WNT9A: variants seen among roughly 807,000 people sequenced by gnomAD.
WNT9A encodes protein Wnt-9a.
WNT9A carries 8 observed loss-of-function variants against 31.4 expected under a neutral mutation model. The ratio of observed to expected loss-of-function variants is 0.26; its 90% confidence interval spans 0.15 to 0.46. WNT9A has a LOEUF of 0.46. Ranked by LOEUF, WNT9A falls within the 20% of genes least tolerant of loss-of-function variation. WNT9A has a pLI of 0.99. For missense variants in WNT9A, 457 were observed against 522.9 expected, an observed-to-expected ratio of 0.87 and a Z score of 1.23; for synonymous variants, 236 against 220.1, an observed-to-expected ratio of 1.07 and a Z score of -0.64.
In WNT9A at chr1:227,947,825, G is replaced by A; in HGVS notation, c.63C>T (p.Leu21=). 1 of 1,095,792 alleles carries A rather than the reference G, an allele frequency of 9.1e-7. No individual in the cohort carries two copies. 67.9% of individuals were successfully genotyped at this position (1,095,792 alleles called of 1,614,324 possible). Residue 21 remains leucine, a synonymous_variant, in exon 1 of 4, where the codon CTC becomes CTT. Coordinates refer to ENST00000272164, the MANE Select transcript of WNT9A (RefSeq NM_003395.4). ...LAAAFGLTLL[L]AALRPSAAYF... ...AGGCGGCCGAAGGGCGCAGCGCGGCGAGCAGCAGCGTCAGCCCGAAGGCCG... is the reference window on the plus strand; with the variant it reads ...AGGCGGCCGAAGGGCGCAGCGCGGCAAGCAGCAGCGTCAGCCCGAAGGCCG...
In WNT9A at chr1:227,928,794, A is replaced by G. The variant is rs1267970636; in HGVS notation, c.96-3275T>C. Among the ~76,000 whole-genome samples the G allele has an allele frequency of 6.6e-6, 1 of 152,208 alleles. No individual in the cohort carries two copies. The highest frequency in any genetic ancestry group is 1.5e-5 in the Non-Finnish European group (1 of 68,032). ...CTGAAGAAGGGAGGAGTGGTTCCCA[A>G]CACAACCTCAGAACAGAGAAGCTTT... On this transcript the variant is annotated intron_variant, in intron 1 of 3. Transcript: ENST00000272164. This position sits in a 1 kb window ranked among gnomAD's most constrained non-coding sequence, Gnocchi z 4.5.
intron 1 of WNT9A, among the ~76,000 whole-genome samples, chr1:227,944,389 T>C (rs1055517636): frequency 9.2e-5 from 14 of 152,150 alleles, no homozygotes; most frequent in African/African-American, 3.4e-4. Flanking sequence ...GACTGCCTAA[T>C]GCGTATGAGG....
rs540876206 is a variant in WNT9A at position 227,941,563 on chromosome 1, T to C, written c.95+6230A>G. On this transcript the variant is annotated intron_variant, in intron 1 of 3. Transcript: ENST00000272164. ...GAGAAGGAGGCATCTGGGCAGTCAC[T>C]GGGCTTCCTGCAAGAAGCAGCAGCT... 31 of 154,388 alleles carry C rather than the reference T, an allele frequency of 2.0e-4. No homozygotes were observed. In the South Asian group the frequency reaches 4.9e-3, roughly 24 times the overall value. 9.6% of individuals were successfully genotyped at this position (154,388 alleles called of 1,614,324 possible).
chr1:227,929,544 G>A (rs1321521240), intron 1 of WNT9A, among the ~76,000 whole-genome samples: 1 of 152,212 alleles, frequency 6.6e-6, no homozygotes, highest in Non-Finnish European at 1.5e-5. Flanking sequence ...GTGTCCTTAC[G>A]GACCCCAGGC....
rs553534623 is a variant in WNT9A at position 227,926,760 on chromosome 1, C to T, written c.96-1241G>A. On this transcript the variant is annotated intron_variant, in intron 1 of 3. Coordinates refer to ENST00000272164, the MANE Select transcript of WNT9A (RefSeq NM_003395.4). The surrounding 1 kb of genome is among the most constrained non-coding windows in gnomAD (Gnocchi z 5.0). ...AGACTCAGGATGTGCTGGGAGCCAC[C>T]GGGGTGCCAGCTTGGGAAGGCTCCC... Among the ~76,000 whole-genome samples, 1,054 of 152,052 alleles carry T rather than the reference C, an allele frequency of 6.9e-3. 15 individuals carry two copies. The highest frequency in any genetic ancestry group is 0.024 in the African/African-American group (1,015 of 41,486).
At chr1:227,937,725 G>A (rs1291061825) in intron 1 of WNT9A, among the ~76,000 whole-genome samples, 1 of 152,254 alleles carries the variant, frequency 6.6e-6, no homozygotes, top group Non-Finnish European at 1.5e-5. Flanking sequence ...CTCCAGAGGG[G>A]CATGGCCCTG....
intron 3 of WNT9A, among the ~76,000 whole-genome samples, chr1:227,922,299 G>A (rs1056325162): frequency 5.3e-5 from 8 of 152,214 alleles, no homozygotes; most frequent in East Asian, 1.9e-4. Flanking sequence ...TCCACCCTGC[G>A]TCAGGGGCTG....
rs892666481 is a variant in WNT9A at position 227,921,491 on chromosome 1, G to A, written c.*27C>T. The A allele has an allele frequency of 6.3e-7, 1 of 1,590,736 alleles. No individual in the cohort carries two copies. Among genetic ancestry groups the A allele is most frequent in the Non-Finnish European group, 8.6e-7 (1 of 1,167,070 alleles). ...ACCGTGTGCAATGCCTGCACCCTGT[G>A]CAGCAGGGCTGGCAGGGCCTGGGAA... On this transcript the variant is annotated 3_prime_UTR_variant, in exon 4 of 4. Coordinates refer to ENST00000272164, the MANE Select transcript of WNT9A (RefSeq NM_003395.4).
At chr1:227,944,658 C>T (rs1399101414) in intron 1 of WNT9A, among the ~76,000 whole-genome samples, 1 of 152,204 alleles carries the variant, frequency 6.6e-6, no homozygotes, top group East Asian at 1.9e-4. Context: ...TCTGGGGCCA[C>T]AGCCGGGGGC....
chr1:227,930,091 T>C (rs1268586656), intron 1 of WNT9A, among the ~76,000 whole-genome samples: 1 of 152,214 alleles, frequency 6.6e-6, no homozygotes, highest in African/African-American at 2.4e-5. Flanking sequence ...GCACGTGCAT[T>C]GTACCTTCCC....
chr1:227,921,314 G>T lies in WNT9A; in HGVS notation c.*204C>A. On this transcript the variant is annotated 3_prime_UTR_variant, in exon 4 of 4. Coordinates refer to ENST00000272164, the MANE Select transcript of WNT9A (RefSeq NM_003395.4). Reference sequence around the variant, plus strand: ...CTGCACCCCATGCAGCTAGGACTGAGCCCAGGGACTCACCCCACGCTGCTA... The same window carrying T: ...CTGCACCCCATGCAGCTAGGACTGATCCCAGGGACTCACCCCACGCTGCTA... 1.3e-6 allele frequency: 1 copy of T among 742,224 alleles called. No homozygotes were observed. The highest frequency in any genetic ancestry group is 2.1e-6 in the Non-Finnish European group (1 of 469,574). The allele number at this position is 742,224 out of a possible 1,614,324, so 46.0% of individuals were successfully genotyped here.
At position 227,925,353 on chromosome 1, in the gene WNT9A, T is replaced by C. The variant is rs765431848; in HGVS notation, c.262A>G (p.Met88Val). The change falls in exon 2 of 4, where the codon ATG becomes GTG. Residue 88 changes from methionine to valine, a missense_variant. Coordinates refer to ENST00000272164, the MANE Select transcript of WNT9A (RefSeq NM_003395.4). This position sits in a 1 kb window ranked among gnomAD's most constrained non-coding sequence, Gnocchi z 6.0. Reference sequence around the variant, plus strand: ...TGGAACTGGCACTCGAGCGCACTCATGCTCACGGCCTCCACCAGCGTCTCT... The same window carrying C: ...TGGAACTGGCACTCGAGCGCACTCACGCTCACGGCCTCCACCAGCGTCTCT... ...VAETLVEAVS[M>V]SALECQFQFR... 20 of 1,611,236 alleles carry C rather than the reference T, an allele frequency of 1.2e-5. No individual in the cohort carries two copies. The highest frequency in any genetic ancestry group is 1.6e-5 in the Non-Finnish European group (19 of 1,179,470).
chr1:227,929,094 A>G (rs1271041444), intron 1 of WNT9A, among the ~76,000 whole-genome samples: 1 of 152,116 alleles, frequency 6.6e-6, no homozygotes, highest in Non-Finnish European at 1.5e-5. Context: ...ATAAACCTAC[A>G]GGCCAAGGGA....
At chr1:227,930,590 G>A (rs886581678) in intron 1 of WNT9A, among the ~76,000 whole-genome samples, 2 of 152,178 alleles carry the variant, frequency 1.3e-5, no homozygotes. Context: ...TTGCATAAAG[G>A]TGGCAGCCGC....
At chr1:227,939,967 C>A (rs552819686) in intron 1 of WNT9A, among the ~76,000 whole-genome samples, 1 of 152,366 alleles carries the variant, frequency 6.6e-6, no homozygotes, top group East Asian at 1.9e-4. Context: ...CCCAGCTGCA[C>A]CCAGGAGGTG....
Position 227,938,346 on chromosome 1 carries a change from CACAG to C in WNT9A, c.95+9443_95+9446del, listed in dbSNP as rs1052379758. ...ATACACACCCATACAAACCTATACA[CACAG>C]ACACACGCATACACACGTACAGGAA... On this transcript the variant is annotated intron_variant, in intron 1 of 3. Transcript: ENST00000272164. Among the ~76,000 whole-genome samples the C allele has an allele frequency of 3.4e-4, 52 of 151,582 alleles. 1 individual carries two copies. Among genetic ancestry groups the C allele is most frequent in the Middle Eastern group, 3.4e-3 (1 of 294 alleles).
At position 227,925,351 on chromosome 1, in the gene WNT9A, C is replaced by T. The variant is rs982041737; in HGVS notation, c.264G>A (p.Met88Ile). ...VAETLVEAVSMSALECQFQFR... is the reference protein window; with the variant it reads ...VAETLVEAVSISALECQFQFR... The stretch of plus-strand genomic sequence containing the variant: ...ACTGGAACTGGCACTCGAGCGCACT[C>T]ATGCTCACGGCCTCCACCAGCGTCT... The change falls in exon 2 of 4, where the codon ATG becomes ATA. Residue 88 changes from methionine to isoleucine, a missense_variant. Coordinates refer to ENST00000272164, the MANE Select transcript of WNT9A (RefSeq NM_003395.4). This position sits in a 1 kb window ranked among gnomAD's most constrained non-coding sequence, Gnocchi z 6.0. The T allele has an allele frequency of 1.1e-5, 18 of 1,611,156 alleles. No homozygotes were observed. Among genetic ancestry groups the T allele is most frequent in the Non-Finnish European group, 1.5e-5 (18 of 1,179,452 alleles).
chr1:227,924,997 C>T (rs1466034710), intron 2 of WNT9A, among the ~76,000 whole-genome samples: 2 of 152,002 alleles, frequency 1.3e-5, no homozygotes, highest in East Asian at 2.0e-4. Flanking sequence ...GGGGCAGCCC[C>T]GGGTAGCCTG....
At chr1:227,944,776 C>T (rs1380860567) in intron 1 of WNT9A, among the ~76,000 whole-genome samples, 1 of 152,206 alleles carries the variant, frequency 6.6e-6, no homozygotes, top group African/African-American at 2.4e-5. Context: ...GGCCTCCCAC[C>T]ATCGTGCCCC....
Sources: gnomAD v4.1 joint callset for allele counts (sites outside exome capture counted in the v4.1 genomes callset) on GRCh38, gnomAD v4.1.1 for gene constraint, Gnocchi (gnomAD v3.1) non-coding constraint, MANE v1.5 for transcripts, NCBI Gene and HGNC (gene_info 2026-07-23, HGNC 2026-07-21) for gene names.